ZFYVE21: variants seen among roughly 807,000 people sequenced by gnomAD.
The protein encoded by ZFYVE21 is zinc finger FYVE-type containing 21.
Under a neutral mutation model 29.5 loss-of-function variants are expected in ZFYVE21, and 21 were observed. The ratio of observed to expected loss-of-function variants is 0.71; its 90% confidence interval spans 0.50 to 1.02. The LOEUF (loss-of-function observed/expected upper bound fraction) is 1.02, where lower values mean the gene tolerates loss of function less well. ZFYVE21 is among the 50% of genes least tolerant of loss of function. ZFYVE21 has a pLI of 0.00. For missense variants in ZFYVE21, 326 were observed against 335.4 expected, an observed-to-expected ratio of 0.97 and a Z score of 0.22; for synonymous variants, 151 against 133.8, an observed-to-expected ratio of 1.13 and a Z score of -0.89.
intron 5 of ZFYVE21, chr14:103,729,638 C>T (rs2083957245): frequency 1.1e-6 from 1 of 949,988 alleles, no homozygotes; most frequent in African/African-American, 1.6e-5. Flanking sequence ...TCCTGGGCCT[C>T]TCCACTAAAC....
intron 1 of ZFYVE21, among the ~76,000 whole-genome samples, chr14:103,717,328 T>C (rs1164199876): frequency 2.0e-5 from 3 of 152,244 alleles, no homozygotes; most frequent in Non-Finnish European, 4.4e-5. Flanking sequence ...ATTGTATTTA[T>C]GGTGTAACGA....
rs752731022 is a variant in ZFYVE21, at chr14:103,726,848, C to T, written c.189+6C>T. ...TTGACTTTCTCACCAGAAAGGTGAG[C>T]TGAGGCCGCTGAGTGGGGGTGGTGG... is the stretch of plus-strand genomic sequence containing the variant. On this transcript the variant is annotated splice_donor_region_variant and intron_variant, in intron 2 of 6. Transcript: ENST00000311141. The T allele has an allele frequency of 3.1e-6, 5 of 1,613,760 alleles. No homozygotes were observed. The South Asian group carries it at 5.5e-5, about 18-fold the overall frequency.
chr14:103,715,940 G>C lies in ZFYVE21; in HGVS notation c.99G>C (p.Pro33=). The change falls in exon 1 of 7, where the codon CCG becomes CCC. Residue 33 remains proline, a synonymous_variant. Coordinates refer to ENST00000311141, the MANE Select transcript of ZFYVE21 (RefSeq NM_024071.4). ...MVPEHRAFGS[P]FGLEEPQWVP... ...CCGAACACCGCGCCTTCGGAAGCCC[G>C]TTCGGCCTGGAGGAGCCGCAGTGGG... 1.4e-6 allele frequency: 2 copies of C among 1,426,398 alleles called. No homozygotes were observed. Among genetic ancestry groups the C allele is most frequent in the South Asian group, 2.7e-5 (2 of 74,024 alleles). The allele number at this position is 1,426,398 out of a possible 1,614,324, so 88.4% of individuals were successfully genotyped here.
chr14:103,729,598 C>G, intron 5 of ZFYVE21: 1 of 690,528 alleles, frequency 1.4e-6, no homozygotes, highest in Non-Finnish European at 2.4e-6. Context: ...GACTAAACCC[C>G]TGGTGCATTT....
chr14:103,722,968 A>C, intron 1 of ZFYVE21, among the ~76,000 whole-genome samples: 1 of 152,152 alleles, frequency 6.6e-6, no homozygotes. Flanking sequence ...TATATTTAGA[A>C]ATTGGCCTTT....
chr14:103,728,180 A>G (rs927189212), intron 3 of ZFYVE21: 22 of 372,214 alleles, frequency 5.9e-5, no homozygotes, highest in African/African-American at 4.7e-4. Context: ...CCCAGGCAGC[A>G]CCTTCCTCCT....
At chr14:103,730,215 G>A (rs934767972) in intron 5 of ZFYVE21, 30 of 251,924 alleles carry the variant, frequency 1.2e-4, no homozygotes, top group Non-Finnish European at 1.6e-4. Context: ...CCCCAGCTCA[G>A]TGTGGCCTCC....
chr14:103,728,908 G>A lies in ZFYVE21; in HGVS notation c.359G>A (p.Gly120Glu). ...YDKQLKVLLS[G>E]ATFLVTFGNS... ...TCACGTTTGCTTTTGTGTTCCCAAG[G>A]AGCCACCTTCCTCGTCACGTTTGGA... The change falls in exon 4 of 7, where the codon GGA becomes GAA. Residue 120 changes from glycine (G) to glutamate (E), a missense_variant and splice_region_variant. Gly to Glu is a moderately conservative substitution (Grantham distance 98). Transcript: ENST00000311141. 2 of 1,614,018 alleles carry A rather than the reference G, an allele frequency of 1.2e-6. No homozygotes were observed. The highest frequency in any genetic ancestry group is 8.5e-7 in the Non-Finnish European group (1 of 1,180,018).
chr14:103,722,217 C>A (rs551253536), intron 1 of ZFYVE21, among the ~76,000 whole-genome samples: 1 of 152,216 alleles, frequency 6.6e-6, no homozygotes, highest in South Asian at 2.1e-4. Flanking sequence ...TTTTAAATTT[C>A]TTTCACTAAT....
chr14:103,732,516 G>T (rs1250624435), intron 5 of ZFYVE21, 104 bp from the exon 6 acceptor site: 1 of 1,391,078 alleles, frequency 7.2e-7, no homozygotes, highest in Non-Finnish European at 9.6e-7. Context: ...GCTACTCTTG[G>T]AGCAGCACAA....
intron 1 of ZFYVE21, among the ~76,000 whole-genome samples, chr14:103,720,620 A>G (rs2083864409): frequency 6.6e-6 from 1 of 152,120 alleles, no homozygotes; most frequent in South Asian, 2.1e-4. Context: ...TTCAGATTAT[A>G]TGGAGGCGCT....
chr14:103,726,920 G>T (rs7154823), intron 2 of ZFYVE21, 78 bp downstream of exon 2: 108,802 of 1,479,044 alleles, frequency 0.074, 5,484 homozygotes, highest in Admixed American at 0.24. Flanking sequence ...GCCCCTTCTG[G>T]CAGGGGACGG....
In ZFYVE21 at chr14:103,729,740, A is replaced by T. The variant is rs1424854341; in HGVS notation, c.526+558A>T. 2.0e-6 allele frequency: 3 copies of T among 1,533,124 alleles called. No individual in the cohort carries two copies. The East Asian group carries it at 7.3e-5, about 38-fold the overall frequency. The allele number at this position is 1,533,124 out of a possible 1,614,324, so 95.0% of individuals were successfully genotyped here. On this transcript the variant is annotated intron_variant, in intron 5 of 6. Transcript: ENST00000311141. Reference sequence around the variant, plus strand: ...CATGTTGCTTTCCTTCCGTTCTCTCACCGGCTCTTGGTTGCTCCTTCTCGC... The same window carrying T: ...CATGTTGCTTTCCTTCCGTTCTCTCTCCGGCTCTTGGTTGCTCCTTCTCGC...
At chr14:103,720,820 G>A (rs1451171212) in intron 1 of ZFYVE21, among the ~76,000 whole-genome samples, 2 of 152,060 alleles carry the variant, frequency 1.3e-5, no homozygotes, top group Non-Finnish European at 2.9e-5. Context: ...TGGGCTTCAT[G>A]ATTTCTGTTT....
chr14:103,723,367 G>A (rs573138191), intron 1 of ZFYVE21, among the ~76,000 whole-genome samples: 1 of 152,354 alleles, frequency 6.6e-6, no homozygotes, highest in Admixed American at 6.5e-5. Flanking sequence ...GCGGGGAACA[G>A]CCAGCCAACG....
intron 5 of ZFYVE21, 56 bp from the exon 6 acceptor site, chr14:103,732,564 C>T: frequency 3.3e-6 from 5 of 1,507,028 alleles, no homozygotes; most frequent in Non-Finnish European, 4.4e-6. Flanking sequence ...GGGCTGGTGG[C>T]CGCCTGGGCA....
Position 103,732,990 on chromosome 14 carries a change from A to G in ZFYVE21, c.677A>G (p.Lys226Arg). 1 of 1,614,142 alleles carries G rather than the reference A, an allele frequency of 6.2e-7. No homozygotes were observed. Among genetic ancestry groups the G allele is most frequent in the Non-Finnish European group, 8.5e-7 (1 of 1,180,044 alleles). ...ATCTTGTCTGATCTGCAGGCTGCCA[A>G]GCTCCTCTATGAATCTCGGGACCAG... ...AWLVAMHKAA[K>R]LLYESRDQ The change falls in exon 7 of 7, where the codon AAG becomes AGG. Residue 226 changes from lysine (K) to arginine (R), a missense_variant. Coordinates refer to ENST00000311141, the MANE Select transcript of ZFYVE21 (RefSeq NM_024071.4).
rs746549395 is a variant in ZFYVE21, at chr14:103,732,628, G to A, written c.535G>A (p.Ala179Thr). ...TEGFPPGGGN[A>T]RATGMFLQYT... ...TCGTCTCTCTCCTCCAGGAGGCAAC[G>A]CACGGGCCACAGGCATGTTCCTGCA... The change falls in exon 6 of 7, where the codon GCA becomes ACA. Residue 179 changes from alanine to threonine, a missense_variant. By Grantham distance (58) the Ala-to-Thr change is moderately conservative. Coordinates refer to ENST00000311141, the MANE Select transcript of ZFYVE21 (RefSeq NM_024071.4). 5.7e-6 allele frequency: 9 copies of A among 1,575,460 alleles called. No homozygotes were observed. The highest frequency in any genetic ancestry group is 1.2e-5 in the South Asian group (1 of 85,724).
rs1026947656 is a variant in ZFYVE21 at position 103,716,617 on chromosome 14, C to T, written c.138+638C>T. 1.4e-4 allele frequency among the ~76,000 whole-genome samples: 22 copies of T among 152,238 alleles called. No homozygotes were observed. The highest frequency in any genetic ancestry group is 3.9e-4 in the African/African-American group (16 of 41,462). On this transcript the variant is annotated intron_variant, in intron 1 of 6. Transcript: ENST00000311141. This position sits in a 1 kb window ranked among gnomAD's most constrained non-coding sequence, Gnocchi z 4.8. ...ACCTCGGAAGCGAGGTCGCAGTCGC[C>T]CACTGGACAGTTTGAAGGAGACCGC...
Sources: allele counts gnomAD v4.1 joint callset (sites outside exome capture counted in the v4.1 genomes callset), GRCh38; gene constraint gnomAD v4.1.1; non-coding constraint Gnocchi (gnomAD v3.1); transcripts MANE v1.5; gene names NCBI Gene and HGNC (gene_info 2026-07-23, HGNC 2026-07-21).